The following ELN variants were observed in gnomAD, a reference collection of about 807,000 sequenced individuals.
The protein encoded by ELN is elastin, also known as tropoelastin.
A neutral mutation model predicts 105.8 loss-of-function variants in ELN; 65 were observed. That is an observed-to-expected ratio of 0.61 (90% CI 0.50 to 0.75). The LOEUF is 0.75. ELN is among the 30% of genes least tolerant of loss of function. The pLI, the probability that ELN is intolerant of heterozygous loss-of-function variation, is 0.00. For missense variants in ELN, 882 were observed against 969.4 expected, an observed-to-expected ratio of 0.91 and a Z score of 1.20; for synonymous variants, 368 against 389.2, an observed-to-expected ratio of 0.95 and a Z score of 0.64.
chr7:74,045,600 G>A (rs1792280344), intron 10 of ELN, among the ~76,000 whole-genome samples: 1 of 151,960 alleles, frequency 6.6e-6, no homozygotes, highest in African/African-American at 2.4e-5. Flanking sequence ...AAAATTAGCC[G>A]GACATGGTCA....
Position 74,068,855 on chromosome 7 carries a change from G to A in ELN, c.*155G>A. 1 of 887,524 alleles carries A rather than the reference G, an allele frequency of 1.1e-6. No homozygotes were observed. The highest frequency in any genetic ancestry group is 1.8e-6 in the Non-Finnish European group (1 of 549,368). 55.0% of individuals were successfully genotyped at this position (887,524 alleles called of 1,614,324 possible). On this transcript the variant is annotated 3_prime_UTR_variant, in exon 33 of 33. Coordinates refer to ENST00000252034, the MANE Select transcript of ELN (RefSeq NM_000501.4). ...GCGGCCTTGCAGATCCACAGGGCAA[G>A]GAAACAAGAGGGGAGCGGCCAAGTG...
intron 18 of ELN, among the ~76,000 whole-genome samples, chr7:74,054,233 C>A (rs1338899156): frequency 6.6e-6 from 1 of 151,938 alleles, no homozygotes; most frequent in Non-Finnish European, 1.5e-5. Context: ...TTTGGGAGGC[C>A]AAGGTGGGCG....
At chr7:74,043,511 A>T in intron 8 of ELN, 2 of 679,648 alleles carry the variant, frequency 2.9e-6, no homozygotes, top group Admixed American at 2.0e-5. Context: ...GTGTCCTCTG[A>T]CTCCCCATCT....
In ELN at chr7:74,047,708, T is replaced by G; in HGVS notation, c.677T>G (p.Leu226Arg). The change falls in exon 13 of 33, where the codon CTG (leucine) becomes CGG (arginine). Residue 226 changes from leucine to arginine, a missense_variant. Coordinates refer to ENST00000252034, the MANE Select transcript of ELN (RefSeq NM_000501.4). ...GYGLPYTTGK[L>R]PYGYGPGGVA... ...GGACTGCCCTACACCACAGGGAAAC[T>G]GCCCTATGGTGAGTGAGACCCTTCT... 1 of 1,614,162 alleles carries G rather than the reference T, an allele frequency of 6.2e-7. No individual in the cohort carries two copies. The highest frequency in any genetic ancestry group is 8.5e-7 in the Non-Finnish European group (1 of 1,180,012).
intron 14 of ELN, 139 bp downstream of exon 14, chr7:74,048,340 C>G (rs1242176744): frequency 2.0e-6 from 3 of 1,506,596 alleles, no homozygotes; most frequent in Non-Finnish European, 2.8e-6. Context: ...GGAGCAGGAT[C>G]CTGGGGGAGG....
Position 74,057,678 on chromosome 7 carries a change from G to A in ELN, c.1396G>A (p.Ala466Thr), listed in dbSNP as rs536123208. 61 of 1,613,592 alleles carry A rather than the reference G, an allele frequency of 3.8e-5. No homozygotes were observed. Among genetic ancestry groups the A allele is most frequent in the Middle Eastern group, 1.8e-4 (1 of 5,652 alleles). ...TPAAAAAKAA[A>T]KAAQFGLVPG... ...AGCAGCTGCAGCTGCTAAAGCAGCC[G>A]CCAAAGCCGCCCAGTTTGGTAAGTC... The change falls in exon 22 of 33, where the codon GCC becomes ACC. Residue 466 changes from alanine (A) to threonine (T), a missense_variant. Transcript: ENST00000252034.
chr7:74,052,885 GAGAGAA>G (rs1794399741), intron 17 of ELN: 7 of 507,242 alleles, frequency 1.4e-5, no homozygotes, highest in Non-Finnish European at 2.5e-5. Context: ...GAGAGAGAGA[GAGAGAA>G]AGAAAGAAAG....
chr7:74,063,543 C>T lies in ELN; in HGVS notation c.1919-78C>T. On this transcript the variant is annotated intron_variant, in intron 28 of 32. Coordinates refer to ENST00000252034, the MANE Select transcript of ELN (RefSeq NM_000501.4). The surrounding 1 kb of genome is among the most constrained non-coding windows in gnomAD (Gnocchi z 4.1). ...AGGCTCCACCTGTGTCCCCAGAGGA[C>T]ACCTCCGCCCTCCACAGGCCGAGGC... 1 of 1,612,174 alleles carries T rather than the reference C, an allele frequency of 6.2e-7. No individual in the cohort carries two copies. The highest frequency in any genetic ancestry group is 8.5e-7 in the Non-Finnish European group (1 of 1,178,948).
At position 74,048,541 on chromosome 7, in the gene ELN, G is replaced by A. The variant is rs782195051; in HGVS notation, c.784G>A (p.Ala262Thr). 6.2e-7 allele frequency: 1 copy of A among 1,613,976 alleles called. No homozygotes were observed. The highest frequency in any genetic ancestry group is 1.1e-5 in the South Asian group (1 of 91,084). The change falls in exon 15 of 33, where the codon GCA (alanine) becomes ACA (threonine). Residue 262 changes from alanine (A) to threonine (T), a missense_variant. Coordinates refer to ENST00000252034, the MANE Select transcript of ELN (RefSeq NM_000501.4). ...GGCAGCAGCAGCAGCGGCAGCTAAA[G>A]CAGCAGCAAAGTTCGGTGAGTGCCC... ...PQAAAAAAAK[A>T]AAKFGAGAAG...
chr7:74,064,671 G>T (rs1056603645), intron 29 of ELN, among the ~76,000 whole-genome samples: 1 of 152,084 alleles, frequency 6.6e-6, no homozygotes, highest in African/African-American at 2.4e-5. Flanking sequence ...ATCCCTTGCC[G>T]CCAGGGTCCC....
At chr7:74,048,051 C>T (rs28763984) in intron 13 of ELN, 91 bp from the exon 14 acceptor site, 36 of 1,519,576 alleles carry the variant, frequency 2.4e-5, no homozygotes, top group African/African-American at 6.8e-5. Flanking sequence ...AGACTCAGGA[C>T]AGCTTGGGCC....
intron 31 of ELN, among the ~76,000 whole-genome samples, chr7:74,066,209 A>G (rs1315194527): frequency 6.6e-6 from 1 of 152,236 alleles, no homozygotes; most frequent in Non-Finnish European, 1.5e-5. Flanking sequence ...GGTTGAGGCC[A>G]TGAGGTGCCA....
chr7:74,056,286 T>C lies in ELN; in HGVS notation c.1166T>C (p.Val389Ala). Residue 389 changes from valine to alanine, a missense_variant, in exon 20 of 33, where the codon GTC (valine) becomes GCC (alanine). Transcript: ENST00000252034. ...KAAKYGARPG[V>A]GVGGIPTYGV... Reference sequence around the variant, plus strand: ...CCCTCTGCAGGGGCCAGGCCCGGAGTCGGAGTTGGAGGCATTCCTACTTAC... The same window carrying C: ...CCCTCTGCAGGGGCCAGGCCCGGAGCCGGAGTTGGAGGCATTCCTACTTAC... The C allele has an allele frequency of 1.2e-6, 2 of 1,613,926 alleles. No individual in the cohort carries two copies. Among genetic ancestry groups the C allele is most frequent in the Non-Finnish European group, 1.7e-6 (2 of 1,179,998 alleles).
intron 29 of ELN, among the ~76,000 whole-genome samples, chr7:74,064,313 G>C (rs1172343342): frequency 6.6e-6 from 1 of 151,384 alleles, no homozygotes; most frequent in Non-Finnish European, 1.5e-5. Context: ...TACTCAGGAG[G>C]CTGAGGCAGA....
intron 1 of ELN, among the ~76,000 whole-genome samples, chr7:74,029,262 G>T (rs530839180): frequency 6.6e-6 from 1 of 152,220 alleles, no homozygotes; most frequent in South Asian, 2.1e-4. Context: ...GCTGGAGAAG[G>T]TGTCTGTCTC....
intron 22 of ELN, among the ~76,000 whole-genome samples, chr7:74,058,264 C>T (rs1035153489): frequency 5.5e-5 from 3 of 54,376 alleles, no homozygotes. Context: ...TCTTCTTTCT[C>T]CTTCTTCTTC....
At chr7:74,036,429 A>G (rs552879459) in intron 2 of ELN, 126 bp from the exon 3 acceptor site, 4 of 1,255,204 alleles carry the variant, frequency 3.2e-6, no homozygotes, top group South Asian at 2.4e-5. Flanking sequence ...CGAGGCTTGC[A>G]GAGAGCAGGT....
At chr7:74,035,852 T>A (rs1297162465) in intron 2 of ELN, among the ~76,000 whole-genome samples, 1 of 151,932 alleles carries the variant, frequency 6.6e-6, no homozygotes. Context: ...GGCAGGAGGA[T>A]CACTTGAGCT....
chr7:74,062,279 C>G (rs1197790909), intron 26 of ELN: 1 of 152,418 alleles, frequency 6.6e-6, no homozygotes, highest in Non-Finnish European at 1.5e-5. Context: ...TCACTGCTGA[C>G]TGCTTGGCAG....
Sources: gnomAD v4.1 joint callset for allele counts (sites outside exome capture counted in the v4.1 genomes callset) on GRCh38, gnomAD v4.1.1 for gene constraint, Gnocchi (gnomAD v3.1) non-coding constraint, MANE v1.5 for transcripts, NCBI Gene and HGNC (gene_info 2026-07-23, HGNC 2026-07-21) for gene names.